Variants in GUCY2C observed in about 807,000 individuals in gnomAD.
GUCY2C encodes guanylate cyclase 2C.
Under a neutral mutation model 131.1 loss-of-function variants are expected in GUCY2C, and 118 were observed. The observed-to-expected ratio is 0.90, with a 90% CI of 0.78 to 1.05. The LOEUF is 1.05. GUCY2C is among the 50% of genes least tolerant of loss of function. The pLI is 0.00. For missense variants in GUCY2C, 1,161 were observed against 1,304.4 expected, an observed-to-expected ratio of 0.89 and a Z score of 1.69; for synonymous variants, 452 against 457.8, an observed-to-expected ratio of 0.99 and a Z score of 0.16.
intron 9 of GUCY2C, among the ~76,000 whole-genome samples, chr12:14,671,766 G>A (rs889727866): frequency 2.6e-5 from 4 of 152,182 alleles, no homozygotes; most frequent in African/African-American, 9.7e-5. Flanking sequence ...CATCCCAGAT[G>A]CAAATAACTC....
In GUCY2C at chr12:14,621,056, A is replaced by G. The variant is rs777674809; in HGVS notation, c.2762T>C (p.Ile921Thr). The change falls in exon 23 of 27, where the codon ATT (isoleucine) becomes ACT (threonine). Residue 921 changes from isoleucine (I) to threonine (T), a missense_variant. Transcript: ENST00000261170. ...CAACTCCATACCAGAGTGAACTCCA[A>G]TGCGAATCCATATTGGGAGGCCAGG... ...HLPGLPIWIR[I>T]GVHSGPCAAG... 5.0e-6 allele frequency: 8 copies of G among 1,613,730 alleles called. No homozygotes were observed. Among genetic ancestry groups the G allele is most frequent in the African/African-American group, 1.3e-5 (1 of 74,912 alleles).
At chr12:14,677,613 C>G (rs1948262833) in intron 6 of GUCY2C, among the ~76,000 whole-genome samples, 1 of 152,052 alleles carries the variant, frequency 6.6e-6, no homozygotes, top group South Asian at 2.1e-4. Flanking sequence ...TCTCATTTCC[C>G]AGGCTGGAGT....
At chr12:14,684,625 C>CCT (rs1948434181) in intron 3 of GUCY2C, among the ~76,000 whole-genome samples, 1 of 31,840 alleles carries the variant, frequency 3.1e-5, no homozygotes, top group Admixed American at 2.6e-4. Context: ...TCCTTCCTTC[C>CCT]TTCCTTTCCT....
intron 9 of GUCY2C, among the ~76,000 whole-genome samples, chr12:14,671,698 A>G (rs1368348624): frequency 6.6e-6 from 1 of 152,258 alleles, no homozygotes; most frequent in Non-Finnish European, 1.5e-5. Context: ...AAGTATAGTT[A>G]TGAGACTGAC....
At chr12:14,658,604 A>G (rs775491204) in intron 11 of GUCY2C, among the ~76,000 whole-genome samples, 93 of 152,172 alleles carry the variant, frequency 6.1e-4, no homozygotes, top group Non-Finnish European at 2.4e-4. Context: ...TGAACCCAGG[A>G]GGTGGAGGTT....
Position 14,676,956 on chromosome 12 carries a change from C to T in GUCY2C, c.846G>A (p.Glu282=). 1 of 1,461,058 alleles carries T rather than the reference C, an allele frequency of 6.8e-7. No individual in the cohort carries two copies. Among genetic ancestry groups the T allele is most frequent in the Non-Finnish European group, 9.5e-7 (1 of 1,057,482 alleles). The allele number at this position is 1,461,058 out of a possible 1,614,324, so 90.5% of individuals were successfully genotyped here. Residue 282 remains glutamate, a synonymous_variant, in exon 7 of 27, where the codon GAG becomes GAA. Coordinates refer to ENST00000261170, the MANE Select transcript of GUCY2C (RefSeq NM_004963.4). The stretch of plus-strand genomic sequence containing the variant: ...TATAGTCAGGGGCTGTGACATTGTC[C>T]TCAAAGTACTGGTCACTGTAATAAA... ...LVDLFNDQYF[E]DNVTAPDYMK...
chr12:14,661,212 CTGTG>C, intron 10 of GUCY2C, 150 bp from the exon 11 acceptor site: 1 of 606,804 alleles, frequency 1.6e-6, no homozygotes, highest in South Asian at 2.1e-5. Context: ...AATATAAGTC[CTGTG>C]TCCCTACTCT....
intron 12 of GUCY2C, among the ~76,000 whole-genome samples, chr12:14,653,250 T>A (rs1784541765): frequency 6.6e-6 from 1 of 152,212 alleles, no homozygotes; most frequent in South Asian, 2.1e-4. Flanking sequence ...TTTCCTCCCT[T>A]CCTCTTGTGG....
At chr12:14,651,335 G>C in intron 15 of GUCY2C, 72 bp downstream of exon 15, 2 of 775,814 alleles carry the variant, frequency 2.6e-6, no homozygotes, top group Admixed American at 2.2e-5. Context: ...TATTTTACTC[G>C]GTAAATATTT....
At chr12:14,681,206 G>T in intron 5 of GUCY2C, 150 bp downstream of exon 5, 1 of 627,984 alleles carries the variant, frequency 1.6e-6, no homozygotes, top group Non-Finnish European at 2.7e-6. Flanking sequence ...TAATGAAGTT[G>T]CATGCAATTA....
At chr12:14,689,501 G>A (rs1165485445) in intron 1 of GUCY2C, among the ~76,000 whole-genome samples, 2 of 152,182 alleles carry the variant, frequency 1.3e-5, no homozygotes, top group East Asian at 1.9e-4. Context: ...TGTCACATCT[G>A]TGGCTCAGAT....
At chr12:14,665,736 G>C (rs1269304824) in intron 10 of GUCY2C, 2 of 152,164 alleles carry the variant, frequency 1.3e-5, no homozygotes, top group Admixed American at 6.6e-5. Flanking sequence ...AAATATCTTT[G>C]TTAAATAAAT....
chr12:14,640,976 A>G lies in GUCY2C; in HGVS notation c.2068+106T>C, dbSNP rs1947389052. 3 of 950,790 alleles carry G rather than the reference A, an allele frequency of 3.2e-6. No individual in the cohort carries two copies. The South Asian group carries it at 4.8e-5, about 15-fold the overall frequency. 58.9% of individuals were successfully genotyped at this position (950,790 alleles called of 1,614,324 possible). A position where few individuals can be genotyped will look rare whatever the true frequency, so the allele number is the denominator to read the frequency against. The stretch of plus-strand genomic sequence containing the variant: ...GCAGATGGGAAATCATTAATTTTGC[A>G]TTTGAAGGAATTGTGATGTGGTTAC... On this transcript the variant is annotated intron_variant, in intron 18 of 26. Coordinates refer to ENST00000261170, the MANE Select transcript of GUCY2C (RefSeq NM_004963.4).
chr12:14,660,972 C>CGGCT lies in GUCY2C; in HGVS notation c.1364+5_1364+8dup, dbSNP rs1947855205. ...ATACCGAACACAGGCATGATAGAGGCGGCTGTACCTGAGCATCAGGAGAGC... is the reference window on the plus strand; with the variant it reads ...ATACCGAACACAGGCATGATAGAGGCGGCTGGCTGTACCTGAGCATCAGGAGAGC... On this transcript the variant is annotated intron_variant, in intron 11 of 26. Coordinates refer to ENST00000261170, the MANE Select transcript of GUCY2C (RefSeq NM_004963.4). The CGGCT allele has an allele frequency of 6.3e-7, 1 of 1,589,076 alleles. No homozygotes were observed. The highest frequency in any genetic ancestry group is 1.3e-5 in the African/African-American group (1 of 74,346).
At chr12:14,669,869 G>A (rs747600930) in intron 9 of GUCY2C, 36 bp from the exon 10 acceptor site, 7 of 824,772 alleles carry the variant, frequency 8.5e-6, no homozygotes, top group Non-Finnish European at 1.4e-5. Flanking sequence ...AGGATGAACA[G>A]TAAAACATTA....
chr12:14,665,161 A>T (rs1024731420), intron 10 of GUCY2C, among the ~76,000 whole-genome samples: 21 of 148,872 alleles, frequency 1.4e-4, no homozygotes, highest in African/African-American at 5.2e-4. Context: ...AGTTGCAGTG[A>T]GCCGAGATTG....
chr12:14,696,159 G>T, intron 1 of GUCY2C, 73 bp downstream of exon 1: 1 of 1,174,942 alleles, frequency 8.5e-7, no homozygotes, highest in East Asian at 2.4e-5. Flanking sequence ...AGAACACAAG[G>T]TCTTTGCTTA....
Position 14,661,007 on chromosome 12 carries a change from G to C in GUCY2C, c.1338C>G (p.Leu446=), listed in dbSNP as rs1323064175. The C allele has an allele frequency of 6.2e-7, 1 of 1,613,160 alleles. No homozygotes were observed. Among genetic ancestry groups the C allele is most frequent in the Non-Finnish European group, 8.5e-7 (1 of 1,179,150 alleles). ...TGAGCATCAGGAGAGCGACGAGCAGGAGCAGCACCACAGCTCCAGTGAGGG... is the reference window on the plus strand; with the variant it reads ...TGAGCATCAGGAGAGCGACGAGCAGCAGCAGCACCACAGCTCCAGTGAGGG... ...VFTLTGAVVL[L]LLVALLMLRK... Residue 446 remains leucine (L), a synonymous_variant, in exon 11 of 27, where the codon CTC becomes CTG. Coordinates refer to ENST00000261170, the MANE Select transcript of GUCY2C (RefSeq NM_004963.4).
chr12:14,616,228 G>T (rs948053579), intron 25 of GUCY2C, among the ~76,000 whole-genome samples: 3 of 152,122 alleles, frequency 2.0e-5, no homozygotes, highest in Admixed American at 6.6e-5. Context: ...TAGAGCTTCC[G>T]AATAGTAAAG....
Sources: allele counts gnomAD v4.1 joint callset (sites outside exome capture counted in the v4.1 genomes callset), GRCh38; gene constraint gnomAD v4.1.1; transcripts MANE v1.5; gene names NCBI Gene and HGNC (gene_info 2026-07-23, HGNC 2026-07-21).